AOX1: variants seen among roughly 807,000 people sequenced by gnomAD.
AOX1 encodes the protein aldehyde oxidase 1.
A neutral mutation model predicts 169.5 loss-of-function variants in AOX1; 153 were observed. That is an observed-to-expected ratio of 0.90 (90% CI 0.79 to 1.03). The LOEUF is 1.03. AOX1 is among the 50% of genes least tolerant of loss of function. AOX1 has a pLI of 0.00. For synonymous variants in AOX1, 562 were observed against 581.9 expected, an observed-to-expected ratio of 0.97 and a Z score of 0.49; for missense variants, 1,656 against 1,663.9, an observed-to-expected ratio of 1.00 and a Z score of 0.08.
intron 27 of AOX1, among the ~76,000 whole-genome samples, chr2:200,657,165 A>AAAAAATAT (rs1179205121): frequency 1.1e-5 from 1 of 88,408 alleles, no homozygotes; most frequent in African/African-American, 5.2e-5. Context: ...CTCTACCAAA[A>AAAAAATAT]ATATATATAT....
At chr2:200,662,216 T>C (rs954937143) in intron 30 of AOX1, among the ~76,000 whole-genome samples, 4 of 152,358 alleles carry the variant, frequency 2.6e-5, no homozygotes, top group African/African-American at 9.6e-5. Flanking sequence ...ACCTGGGCAC[T>C]GACTGCCTGT....
chr2:200,603,953 C>T (rs2034464629), intron 7 of AOX1, 64 bp from the exon 8 acceptor site: 1 of 1,126,014 alleles, frequency 8.9e-7, no homozygotes, highest in Non-Finnish European at 1.4e-6. Flanking sequence ...ATCTTTTGAC[C>T]TTATTCCACA....
chr2:200,676,538 T>G lies in AOX1; in HGVS notation c.487-340T>G, dbSNP rs144504069. Among the ~76,000 whole-genome samples, 355 of 144,450 alleles carry G rather than the reference T, an allele frequency of 2.5e-3. 6 individuals carry two copies. The East Asian group carries it at 0.035, about 14-fold the overall frequency. 94.8% of individuals were successfully genotyped at this position (144,450 alleles called of 152,430 possible). A position where few individuals can be genotyped will look rare whatever the true frequency, so the allele number is the denominator to read the frequency against. The stretch of plus-strand genomic sequence containing the variant: ...TCACTTGAACCCAGGAGGCAGAGAT[T>G]GCAGTGAGCCGAGATCACACCATTG... On this transcript the variant is annotated intron_variant, in intron 4 of 4. Coordinates refer to the AOX1 transcript ENST00000439380.
At chr2:200,662,491 G>A (rs1559261034) in intron 30 of AOX1, among the ~76,000 whole-genome samples, 1 of 152,136 alleles carries the variant, frequency 6.6e-6, no homozygotes, top group Non-Finnish European at 1.5e-5. Flanking sequence ...AGACAAAGCA[G>A]GCAAGCATGC....
chr2:200,638,412 C>G, intron 23 of AOX1, 110 bp downstream of exon 23: 1 of 888,418 alleles, frequency 1.1e-6, no homozygotes, highest in Non-Finnish European at 1.8e-6. Flanking sequence ...ATGAGCAAAT[C>G]AAAAACAGAG....
downstream of AOX1, among the ~76,000 whole-genome samples, chr2:200,675,810 G>A (rs11684227): frequency 0.46 from 69,656 of 151,320 alleles, 16,350 homozygotes; most frequent in East Asian, 0.6. Context: ...GGGAGATACT[G>A]TTATTTTGAC....
Position 200,648,536 on chromosome 2 carries a change from G to A in AOX1, c.2848-2438G>A, listed in dbSNP as rs549086918. 7.9e-5 allele frequency among the ~76,000 whole-genome samples: 12 copies of A among 152,316 alleles called. No individual in the cohort carries two copies. In the South Asian group the frequency reaches 2.3e-3, roughly 29 times the overall value. ...TCCATGAGGGTCCTTAGCTTTGGTG[G>A]TTTATGCTCTATTTTTGTGCTGGTT... On this transcript the variant is annotated intron_variant, in intron 25 of 34. Transcript: ENST00000374700.
chr2:200,659,118 T>C, intron 27 of AOX1, 47 bp from the exon 28 acceptor site: 2 of 1,600,648 alleles, frequency 1.2e-6, no homozygotes, highest in Non-Finnish European at 1.7e-6. Context: ...TGCACAGGTC[T>C]GTGACTAATC....
chr2:200,627,681 C>T (rs965621661), intron 20 of AOX1, among the ~76,000 whole-genome samples: 1 of 152,100 alleles, frequency 6.6e-6, no homozygotes, highest in African/African-American at 2.4e-5. Flanking sequence ...CCTGACCCCC[C>T]TTCCCTCATC....
At chr2:200,639,881 A>G (rs1317283577) in intron 23 of AOX1, among the ~76,000 whole-genome samples, 1 of 151,844 alleles carries the variant, frequency 6.6e-6, no homozygotes, top group Non-Finnish European at 1.5e-5. Flanking sequence ...ATAAAAATAC[A>G]AAAAAATTAG....
intron 20 of AOX1, among the ~76,000 whole-genome samples, chr2:200,632,646 A>G (rs2035151275): frequency 6.7e-6 from 1 of 149,740 alleles, no homozygotes; most frequent in Non-Finnish European, 1.5e-5. Flanking sequence ...AAAAAAAATC[A>G]TTTTCTGTCT....
intron 17 of AOX1, 125 bp downstream of exon 17, chr2:200,620,944 T>C: frequency 7.6e-7 from 1 of 1,311,184 alleles, no homozygotes; most frequent in Non-Finnish European, 1.1e-6. Flanking sequence ...AGACCAGAGG[T>C]GAAACAGGAT....
chr2:200,656,917 G>A lies in AOX1; in HGVS notation c.3151G>A (p.Val1051Ile). The A allele has an allele frequency of 1.9e-6, 3 of 1,578,970 alleles. No homozygotes were observed. Among genetic ancestry groups the A allele is most frequent in the African/African-American group, 1.4e-5 (1 of 73,578 alleles). ...THGGIEMGQG[V>I]HTKMIQVVSR... is the part of the protein sequence containing the mutation. Reference sequence around the variant, plus strand: ...CGGTGGAATTGAAATGGGGCAGGGGGTCCACACTAAAATGATTCAGGTAAG... The same window carrying A: ...CGGTGGAATTGAAATGGGGCAGGGGATCCACACTAAAATGATTCAGGTAAG... Residue 1051 changes from valine to isoleucine, a missense_variant, in exon 27 of 35, where the codon GTC (valine) becomes ATC (isoleucine). Coordinates refer to ENST00000374700, the MANE Select transcript of AOX1 (RefSeq NM_001159.4).
intron 20 of AOX1, among the ~76,000 whole-genome samples, chr2:200,632,250 C>A (rs558305493): frequency 6.6e-6 from 1 of 151,490 alleles, no homozygotes; most frequent in South Asian, 2.1e-4. Context: ...TTTTAGTATA[C>A]CTCCTTGTAC....
At chr2:200,630,935 AACC>A (rs996237391) in intron 20 of AOX1, among the ~76,000 whole-genome samples, 2 of 152,142 alleles carry the variant, frequency 1.3e-5, no homozygotes, top group Non-Finnish European at 2.9e-5. Flanking sequence ...CTGTGCAGTA[AACC>A]ACCATGGCAC....
chr2:200,673,191 G>T (rs1160994329), downstream of AOX1, among the ~76,000 whole-genome samples: 1 of 152,136 alleles, frequency 6.6e-6, no homozygotes, highest in Non-Finnish European at 1.5e-5. Context: ...AGACAGCCAT[G>T]GGCCCTCTTT....
chr2:200,650,643 T>C (rs536501759), intron 25 of AOX1, among the ~76,000 whole-genome samples: 69 of 152,336 alleles, frequency 4.5e-4, no homozygotes, highest in Middle Eastern at 3.4e-3. Flanking sequence ...AGATGATCTT[T>C]CAGCAGATAC....
At chr2:200,647,098 T>C (rs1269028485) in intron 25 of AOX1, among the ~76,000 whole-genome samples, 1 of 151,940 alleles carries the variant, frequency 6.6e-6, no homozygotes, top group African/African-American at 2.4e-5. Context: ...TACCATTGCA[T>C]TTGCCATGCT....
At chr2:200,603,178 C>A in intron 6 of AOX1, 89 bp from the exon 7 acceptor site, 1 of 984,762 alleles carries the variant, frequency 1.0e-6, no homozygotes, top group Non-Finnish European at 1.6e-6. Flanking sequence ...ATTGATTCAG[C>A]ATTATGTTTC....
Sources: gnomAD v4.1 joint callset for allele counts (sites outside exome capture counted in the v4.1 genomes callset) on GRCh38, gnomAD v4.1.1 for gene constraint, MANE v1.5 for transcripts, NCBI Gene and HGNC (gene_info 2026-07-23, HGNC 2026-07-21) for gene names.